DNAJC3: variants seen among roughly 807,000 people sequenced by gnomAD.
The protein encoded by DNAJC3 is DnaJ heat shock protein family (Hsp40) member C3.
A neutral mutation model predicts 68.6 loss-of-function variants in DNAJC3; 38 were observed. The ratio of observed to expected loss-of-function variants is 0.55; its 90% CI spans 0.43 to 0.73. The LOEUF (loss-of-function observed/expected upper bound fraction) is 0.73. Ranked by LOEUF, DNAJC3 falls within the 30% of genes least tolerant of loss-of-function variation. DNAJC3 has a pLI of 0.00. For synonymous variants in DNAJC3, 203 were observed against 204.0 expected (o/e 1.00, Z 0.04); for missense variants, 526 against 591.9 (o/e 0.89, Z 1.16).
chr13:95,771,106 T>C (rs894335395), intron 9 of DNAJC3, among the ~76,000 whole-genome samples: 2 of 152,178 alleles, frequency 1.3e-5, no homozygotes, highest in Admixed American at 6.5e-5. Flanking sequence ...TTCATCTTTT[T>C]ATGATGCATT....
intron 2 of DNAJC3, among the ~76,000 whole-genome samples, chr13:95,721,412 C>T (rs1364433091): frequency 6.6e-6 from 1 of 152,090 alleles, no homozygotes; most frequent in Non-Finnish European, 1.5e-5. Flanking sequence ...CTTTTTATTT[C>T]TTTGGGGTAT....
chr13:95,707,635 A>G (rs938217457), intron 1 of DNAJC3, among the ~76,000 whole-genome samples: 4 of 152,178 alleles, frequency 2.6e-5, no homozygotes, highest in African/African-American at 7.2e-5. Flanking sequence ...TGTGTCACTC[A>G]TGGTCCGTTG....
At chr13:95,773,434 G>A (rs1883209713) in intron 9 of DNAJC3, among the ~76,000 whole-genome samples, 1 of 151,880 alleles carries the variant, frequency 6.6e-6, no homozygotes, top group Admixed American at 6.6e-5. Flanking sequence ...GCCTCCCAAA[G>A]TGCTGGGACT....
At chr13:95,717,226 G>A (rs1448163708) in intron 2 of DNAJC3, among the ~76,000 whole-genome samples, 4 of 152,144 alleles carry the variant, frequency 2.6e-5, no homozygotes, top group African/African-American at 9.7e-5. Flanking sequence ...CATTTGCTTG[G>A]TAAGAAAACT....
chr13:95,696,337 A>G (rs764247104), intron 1 of DNAJC3, among the ~76,000 whole-genome samples: 6 of 152,078 alleles, frequency 3.9e-5, no homozygotes, highest in Non-Finnish European at 5.9e-5. Flanking sequence ...GGCCCATAAC[A>G]CTTGGGAGTG....
chr13:95,682,234 G>C (rs1326923600), intron 1 of DNAJC3, among the ~76,000 whole-genome samples: 3 of 152,126 alleles, frequency 2.0e-5, no homozygotes. Context: ...ACCCCACCTT[G>C]CTAGAGTCTT....
chr13:95,785,822 A>G, intron 9 of DNAJC3, 117 bp from the exon 10 acceptor site: 1 of 904,038 alleles, frequency 1.1e-6, no homozygotes, highest in Non-Finnish European at 1.6e-6. Context: ...TTTGGCAATA[A>G]TGGCCAAAGA....
chr13:95,739,452 C>G (rs1292167447), intron 4 of DNAJC3, among the ~76,000 whole-genome samples: 1 of 151,414 alleles, frequency 6.6e-6, no homozygotes, highest in Non-Finnish European at 1.5e-5. Flanking sequence ...CCATCACTTT[C>G]AGGTACACCA....
At position 95,755,827 on chromosome 13, in the gene DNAJC3, T is replaced by C. The variant is rs187140223; in HGVS notation, c.394-1817T>C. 3.4e-3 allele frequency among the ~76,000 whole-genome samples: 509 copies of C among 151,138 alleles called. 3 individuals are homozygous for C. The highest frequency in any genetic ancestry group is 0.012 in the African/African-American group (485 of 41,160). On this transcript the variant is annotated intron_variant, in intron 4 of 11. Coordinates refer to ENST00000602402, the MANE Select transcript of DNAJC3 (RefSeq NM_006260.5). ...CCCAAAACCCTAATTTCATCTGGCT[T>C]GACTCTCTTTGAAACTCTCAGGCTT...
At position 95,763,758 on chromosome 13, in the gene DNAJC3, G is replaced by T; in HGVS notation, c.954+10G>T. 2 of 1,613,790 alleles carry T rather than the reference G, an allele frequency of 1.2e-6. No individual in the cohort carries two copies. Among genetic ancestry groups the T allele is most frequent in the South Asian group, 2.2e-5 (2 of 91,000 alleles). On this transcript the variant is annotated intron_variant, in intron 8 of 11. Coordinates refer to ENST00000602402, the MANE Select transcript of DNAJC3 (RefSeq NM_006260.5). Reference sequence around the variant, plus strand: ...CCACTGCTTTTCTAAGGTAACAGTTGACTTGTTCCCAGAAATGTGAAAACT... The same window carrying T: ...CCACTGCTTTTCTAAGGTAACAGTTTACTTGTTCCCAGAAATGTGAAAACT...
chr13:95,709,213 AATTTT>A lies in DNAJC3; in HGVS notation c.83-8_83-4del, dbSNP rs771487529. The A allele has an allele frequency of 5.3e-4, 795 of 1,499,950 alleles. 1 individual carries two copies. Among genetic ancestry groups the A allele is most frequent in the Non-Finnish European group, 6.7e-4 (747 of 1,120,312 alleles). 92.9% of individuals were successfully genotyped at this position (1,499,950 alleles called of 1,614,324 possible). A position where few individuals can be genotyped will look rare whatever the true frequency, so the allele number is the denominator to read the frequency against. On this transcript the variant is annotated splice_polypyrimidine_tract_variant and intron_variant, in intron 1 of 11. Coordinates refer to ENST00000602402, the MANE Select transcript of DNAJC3 (RefSeq NM_006260.5). ...CGTGGAAAGTTAACTGATTGTTTTTAATTTTATTTTTAGGTGCTGAATGTGGAGTA... is the reference window on the plus strand; with the variant it reads ...CGTGGAAAGTTAACTGATTGTTTTTAATTTTTAGGTGCTGAATGTGGAGTA...
At chr13:95,683,033 G>A (rs1295278756) in intron 1 of DNAJC3, among the ~76,000 whole-genome samples, 1 of 152,130 alleles carries the variant, frequency 6.6e-6, no homozygotes, top group East Asian at 1.9e-4. Flanking sequence ...TGAGAAGCAG[G>A]CAAATTGTGA....
chr13:95,690,856 T>TG (rs1880222250), intron 1 of DNAJC3, among the ~76,000 whole-genome samples: 1 of 105,952 alleles, frequency 9.4e-6, no homozygotes, highest in Non-Finnish European at 1.9e-5. Context: ...CACTTCCCAG[T>TG]AGGGGCGGCC....
chr13:95,686,544 G>C (rs1235953943), intron 1 of DNAJC3, among the ~76,000 whole-genome samples: 1 of 152,128 alleles, frequency 6.6e-6, no homozygotes, highest in Non-Finnish European at 1.5e-5. Context: ...TCTTGAGGTA[G>C]TTTTTGTATA....
intron 4 of DNAJC3, among the ~76,000 whole-genome samples, chr13:95,748,811 G>C (rs563224820): frequency 6.6e-6 from 1 of 152,056 alleles, no homozygotes; most frequent in African/African-American, 2.4e-5. Flanking sequence ...GCCAGACTCC[G>C]TCTCAAAACA....
rs201058466 is a variant in DNAJC3 at position 95,781,810 on chromosome 13, T to TG, written c.1076-4129_1076-4128insG. Among the ~76,000 whole-genome samples, 271 of 143,522 alleles carry TG rather than the reference T, an allele frequency of 1.9e-3. 1 individual carries two copies. The highest frequency in any genetic ancestry group is 4.1e-3 in the African/African-American group (163 of 39,650). The allele number at this position is 143,522 out of a possible 152,430, so 94.2% of individuals were successfully genotyped here. On this transcript the variant is annotated intron_variant, in intron 9 of 11. Transcript: ENST00000602402. ...GATAAACATTGGATGTGTGTGTGTG[T>TG]TTTTTTTTTTTTACTTTAAGTTCTG...
At chr13:95,713,735 A>G (rs544862480) in intron 2 of DNAJC3, among the ~76,000 whole-genome samples, 1 of 152,368 alleles carries the variant, frequency 6.6e-6, no homozygotes, top group East Asian at 1.9e-4. Context: ...TGAGAAGCAT[A>G]CATGTATTCT....
chr13:95,728,675 T>G lies in DNAJC3; in HGVS notation c.393+3423T>G, dbSNP rs150388746. Among the ~76,000 whole-genome samples the G allele has an allele frequency of 2.0e-5, 3 of 152,366 alleles. No homozygotes were observed. The East Asian group carries it at 5.8e-4, about 29-fold the overall frequency. ...AGAACAAAATGTCTAATTTTTAAAT[T>G]AATACAGAATATTTGTGCATATTTA... On this transcript the variant is annotated intron_variant, in intron 4 of 11. Coordinates refer to ENST00000602402, the MANE Select transcript of DNAJC3 (RefSeq NM_006260.5).
At chr13:95,784,753 C>T (rs1883546790) in intron 9 of DNAJC3, among the ~76,000 whole-genome samples, 1 of 152,140 alleles carries the variant, frequency 6.6e-6, no homozygotes, top group Non-Finnish European at 1.5e-5. Flanking sequence ...ATAGTTGTCT[C>T]AGGACTGCTG....
Sources: gnomAD v4.1 joint callset for allele counts (sites outside exome capture counted in the v4.1 genomes callset) on GRCh38, gnomAD v4.1.1 for gene constraint, MANE v1.5 for transcripts, NCBI Gene and HGNC (gene_info 2026-07-23, HGNC 2026-07-21) for gene names.